The following PHKB variants were observed in gnomAD, a reference collection of about 807,000 sequenced individuals.
The protein encoded by PHKB is phosphorylase kinase regulatory subunit beta.
Under a neutral mutation model 152.1 loss-of-function variants are expected in PHKB, and 122 were observed. The ratio of observed to expected loss-of-function variants is 0.80; its 90% CI spans 0.69 to 0.93. The LOEUF (loss-of-function observed/expected upper bound fraction) is 0.93, where lower values mean the gene tolerates loss of function less well. Ranked by LOEUF, PHKB falls within the 40% of genes least tolerant of loss-of-function variation. The pLI, the probability that PHKB is intolerant of heterozygous loss-of-function variation, is 0.00. For synonymous variants in PHKB, 436 were observed against 464.9 expected (o/e 0.94, Z 0.80); for missense variants, 1,304 against 1,328.4 (o/e 0.98, Z 0.29).
rs1443032685 is a variant in PHKB at position 47,557,718 on chromosome 16, A to G, written c.710+10170A>G. 5.3e-5 allele frequency among the ~76,000 whole-genome samples: 8 copies of G among 152,292 alleles called. No homozygotes were observed. The East Asian group carries it at 1.2e-3, about 22-fold the overall frequency. ...CACACCAGTTAGAATGGCGATCATT[A>G]AAAAGTCAGGAAACAACAGGTGCTG... is the stretch of plus-strand genomic sequence containing the variant. On this transcript the variant is annotated intron_variant, in intron 7 of 30. Transcript: ENST00000323584.
intron 7 of PHKB, among the ~76,000 whole-genome samples, chr16:47,558,033 A>T (rs929403303): frequency 1.3e-5 from 2 of 151,074 alleles, no homozygotes; most frequent in African/African-American, 2.4e-5. Context: ...GCACATATAC[A>T]CCATGGAATA....
intron 6 of PHKB, among the ~76,000 whole-genome samples, chr16:47,546,705 C>A (rs553719293): frequency 1.6e-3 from 245 of 152,262 alleles, no homozygotes; most frequent in African/African-American, 5.5e-3. Flanking sequence ...CTATGCCATG[C>A]CCCCACAAGT....
intron 7 of PHKB, among the ~76,000 whole-genome samples, chr16:47,572,653 A>G (rs1189413568): frequency 6.6e-6 from 1 of 152,200 alleles, no homozygotes; most frequent in Admixed American, 6.5e-5. Context: ...AGGTTCAAGC[A>G]CCAACTCTGA....
chr16:47,634,571 C>T (rs1294566803), intron 14 of PHKB, among the ~76,000 whole-genome samples: 2 of 152,126 alleles, frequency 1.3e-5, no homozygotes, highest in African/African-American at 4.8e-5. Flanking sequence ...TTGGAGATGC[C>T]TGAGGAGAAC....
At chr16:47,463,270 T>G (rs1356184769) in intron 1 of PHKB, 1 of 152,674 alleles carries the variant, frequency 6.5e-6, no homozygotes, top group Non-Finnish European at 1.5e-5. Flanking sequence ...AATTCTAGTG[T>G]TAACTGTTGT....
At chr16:47,566,996 T>C in intron 7 of PHKB, 2 of 431,770 alleles carry the variant, frequency 4.6e-6, no homozygotes, top group Non-Finnish European at 8.3e-6. Flanking sequence ...TACTATAGCC[T>C]TGTAGTATAA....
Position 47,470,496 on chromosome 16 carries a change from G to A in PHKB, c.76+9070G>A, listed in dbSNP as rs1387834352. Among the ~76,000 whole-genome samples, 5 of 152,318 alleles carry A rather than the reference G, an allele frequency of 3.3e-5. No individual in the cohort carries two copies. In the East Asian group the frequency reaches 5.8e-4, roughly 18 times the overall value. ...AGTGGGCGTTATGGCCATCATGAAC[G>A]TATCGCAGTGCTGCAGAGATTTTGT... On this transcript the variant is annotated intron_variant, in intron 1 of 30. Transcript: ENST00000323584.
At chr16:47,671,056 A>G (rs554639020) in intron 26 of PHKB, among the ~76,000 whole-genome samples, 5 of 152,292 alleles carry the variant, frequency 3.3e-5, no homozygotes, top group South Asian at 2.1e-4. Context: ...AGGCAAATCC[A>G]TATCTTCTAA....
At chr16:47,511,887 G>A (rs1315235605) in intron 5 of PHKB, 115 bp downstream of exon 5, 3 of 725,726 alleles carry the variant, frequency 4.1e-6, no homozygotes, top group African/African-American at 3.5e-5. Flanking sequence ...CCACGGATGG[G>A]GTAGGGGCTA....
intron 8 of PHKB, among the ~76,000 whole-genome samples, chr16:47,586,029 G>T (rs994616970): frequency 2.6e-5 from 4 of 152,076 alleles, no homozygotes; most frequent in Admixed American, 1.3e-4. Flanking sequence ...TTTCTCTGCT[G>T]TTTTGTTCTA....
chr16:47,631,028 T>G (rs964292878), intron 14 of PHKB, among the ~76,000 whole-genome samples: 1 of 152,154 alleles, frequency 6.6e-6, no homozygotes, highest in African/African-American at 2.4e-5. Context: ...GAAACTAAAC[T>G]GTCAGCTCTC....
chr16:47,465,259 G>A (rs193009804), intron 1 of PHKB, among the ~76,000 whole-genome samples: 1 of 152,128 alleles, frequency 6.6e-6, no homozygotes, highest in African/African-American at 2.4e-5. Flanking sequence ...TTCCTTATAA[G>A]CACCAAGCTC....
intron 1 of PHKB, among the ~76,000 whole-genome samples, chr16:47,488,605 A>C (rs186310006): frequency 6.6e-6 from 1 of 152,142 alleles, no homozygotes; most frequent in Non-Finnish European, 1.5e-5. Flanking sequence ...TTAATCCACT[A>C]TGAGCTGATT....
intron 20 of PHKB, among the ~76,000 whole-genome samples, chr16:47,653,482 C>T (rs1326977631): frequency 6.6e-6 from 1 of 152,150 alleles, no homozygotes; most frequent in Non-Finnish European, 1.5e-5. Context: ...ATCTTAGGGT[C>T]CTGAGGCTCT....
chr16:47,549,440 A>G (rs774025776), intron 7 of PHKB, among the ~76,000 whole-genome samples: 1 of 152,146 alleles, frequency 6.6e-6, no homozygotes, highest in Non-Finnish European at 1.5e-5. Context: ...CCTGTAATCC[A>G]ACACTTTGGG....
intron 6 of PHKB, among the ~76,000 whole-genome samples, chr16:47,536,725 G>A (rs1330555536): frequency 3.3e-5 from 5 of 152,200 alleles, no homozygotes; most frequent in African/African-American, 1.2e-4. Flanking sequence ...AATGAGTTAA[G>A]AAAAAACAAT....
chr16:47,468,606 T>A (rs1477351190), intron 1 of PHKB, among the ~76,000 whole-genome samples: 1 of 152,234 alleles, frequency 6.6e-6, no homozygotes, highest in Non-Finnish European at 1.5e-5. Context: ...TGAGCTGAGA[T>A]CGTGCCATTG....
intron 14 of PHKB, among the ~76,000 whole-genome samples, chr16:47,633,971 A>G (rs1972872072): frequency 6.6e-6 from 1 of 152,198 alleles, no homozygotes; most frequent in Non-Finnish European, 1.5e-5. Flanking sequence ...AATCGCAGAC[A>G]ATGGGCAAAG....
chr16:47,683,617 G>A (rs372263311), intron 26 of PHKB, among the ~76,000 whole-genome samples: 13 of 152,292 alleles, frequency 8.5e-5, no homozygotes, highest in South Asian at 2.1e-4. Flanking sequence ...TTGGAAAAGC[G>A]CAGTATTAGG....
Sources: gnomAD v4.1 joint callset for allele counts (sites outside exome capture counted in the v4.1 genomes callset) on GRCh38, gnomAD v4.1.1 for gene constraint, MANE v1.5 for transcripts, NCBI Gene and HGNC (gene_info 2026-07-23, HGNC 2026-07-21) for gene names.